The following RASSF3 variants were observed in gnomAD, a reference collection of about 807,000 sequenced individuals.
RASSF3 encodes the protein Ras association domain family member 3, also known as ras association domain-containing protein 3.
RASSF3 carries 19 observed loss-of-function variants against 19.9 expected under a neutral mutation model. That is an observed-to-expected ratio of 0.96 (90% CI 0.67 to 1.40). The LOEUF (loss-of-function observed/expected upper bound fraction) is 1.40, where lower values mean the gene tolerates loss of function less well. Ranked by LOEUF, RASSF3 falls within the 40% of genes most tolerant of loss-of-function variation. RASSF3 has a pLI of 0.00. For missense variants in RASSF3, 306 were observed against 289.8 expected (o/e 1.06, Z -0.41); for synonymous variants, 110 against 104.2 (o/e 1.06, Z -0.34).
upstream of RASSF3, among the ~76,000 whole-genome samples, chr12:64,610,357 G>A (rs565631871): frequency 6.0e-5 from 9 of 149,832 alleles, no homozygotes; most frequent in African/African-American, 1.9e-4. Context: ...CGGGCGGGGA[G>A]GGTCGCGGCC....
At chr12:64,558,771 G>A (rs975325953) in intron 2 of RASSF3, among the ~76,000 whole-genome samples, 2 of 151,976 alleles carry the variant, frequency 1.3e-5, no homozygotes, top group Non-Finnish European at 2.9e-5. Context: ...CTAGGGACCC[G>A]GCCACCCCTT....
chr12:64,510,475 C>T (rs1868321921), intron 1 of RASSF3, among the ~76,000 whole-genome samples: 1 of 152,152 alleles, frequency 6.6e-6, no homozygotes, highest in African/African-American at 2.4e-5. Context: ...AGAAATATGT[C>T]AAAGTTTCCC....
At chr12:64,678,659 A>AAAAAAAC (rs1555216121) in intron 1 of RASSF3, among the ~76,000 whole-genome samples, 8 of 150,556 alleles carry the variant, frequency 5.3e-5, no homozygotes, top group Admixed American at 1.3e-4. Flanking sequence ...AAAAAAAAAA[A>AAAAAAAC]AAAAAACCAA....
chr12:64,624,544 G>C (rs1469148944), intron 1 of RASSF3, among the ~76,000 whole-genome samples: 1 of 151,888 alleles, frequency 6.6e-6, no homozygotes, highest in African/African-American at 2.4e-5. Flanking sequence ...CAAAGCGCTG[G>C]TATTACAGGT....
upstream of RASSF3, among the ~76,000 whole-genome samples, chr12:64,532,301 G>T (rs1285415790): frequency 6.6e-6 from 1 of 152,076 alleles, no homozygotes; most frequent in African/African-American, 2.4e-5. Context: ...ATTATAGTGG[G>T]CCTTTCCCTC....
rs2136229018 is a variant in RASSF3 at position 64,696,645 on chromosome 12, CTTT to C, written c.*1736_*1738del. 6.6e-6 allele frequency: 1 copy of C among 152,082 alleles called. No individual in the cohort carries two copies. The highest frequency in any genetic ancestry group is 2.1e-4 in the South Asian group (1 of 4,820). The allele number at this position is 152,082 out of a possible 1,614,324, so 9.4% of individuals were successfully genotyped here. On this transcript the variant is annotated 3_prime_UTR_variant, in exon 5 of 5. Transcript: ENST00000542104. ...GTTCGTCTCTTGGTGGCTCTTCTGA[CTTT>C]TTGGAGAATACCCATCTTGTTGGAG...
intron 1 of RASSF3, among the ~76,000 whole-genome samples, chr12:64,522,096 A>G (rs759903045): frequency 1.6e-4 from 24 of 152,332 alleles, no homozygotes; most frequent in Non-Finnish European, 2.8e-4. Flanking sequence ...ATGAAGCATG[A>G]AAGCAGATGC....
chr12:64,564,223 A>G (rs1180051653), intron 2 of RASSF3, among the ~76,000 whole-genome samples: 1 of 152,202 alleles, frequency 6.6e-6, no homozygotes, highest in Non-Finnish European at 1.5e-5. Flanking sequence ...GCTGTTTGAC[A>G]ATGGAGTCTG....
intron 1 of RASSF3, among the ~76,000 whole-genome samples, chr12:64,671,366 G>A (rs1365227609): frequency 2.0e-5 from 3 of 152,126 alleles, no homozygotes; most frequent in Non-Finnish European, 4.4e-5. Context: ...TCCCTGCAGG[G>A]GGATCTGCCT....
chr12:64,657,270 G>A (rs1394859606), intron 1 of RASSF3, among the ~76,000 whole-genome samples: 2 of 152,088 alleles, frequency 1.3e-5, no homozygotes, highest in Admixed American at 1.3e-4. Flanking sequence ...CCCGCAAAGT[G>A]CTGGGATTAC....
rs568882420 is a variant in RASSF3, at chr12:64,585,175, C to T, written c.294+43470C>T. ...CTGGGATTACAGGCATGAGCCACCG[C>T]ACCCGGCCAGAATATTTTCTTAAAT... On this transcript the variant is annotated intron_variant, in intron 2 of 5. Transcript: ENST00000637125. Among the ~76,000 whole-genome samples the T allele has an allele frequency of 7.2e-5, 11 of 152,190 alleles. No individual in the cohort carries two copies. In the East Asian group the frequency reaches 1.9e-3, roughly 27 times the overall value.
At chr12:64,593,539 C>T (rs1304182001) in intron 2 of RASSF3, among the ~76,000 whole-genome samples, 1 of 152,038 alleles carries the variant, frequency 6.6e-6, no homozygotes, top group South Asian at 2.1e-4. Context: ...TTTTTAGCTG[C>T]TACATCCATG....
At chr12:64,673,903 T>G (rs933268090) in intron 1 of RASSF3, among the ~76,000 whole-genome samples, 1 of 151,962 alleles carries the variant, frequency 6.6e-6, no homozygotes, top group African/African-American at 2.4e-5. Context: ...GTTTGTTTTC[T>G]GGCTCCAAAC....
At chr12:64,546,402 C>G (rs1592396686), downstream of RASSF3, among the ~76,000 whole-genome samples, 1 of 152,118 alleles carries the variant, frequency 6.6e-6, no homozygotes, top group Non-Finnish European at 1.5e-5. Flanking sequence ...TCCCAAGTAA[C>G]TGGGACTACA....
At chr12:64,568,481 C>A (rs904259166) in intron 2 of RASSF3, among the ~76,000 whole-genome samples, 16 of 152,166 alleles carry the variant, frequency 1.1e-4, no homozygotes, top group African/African-American at 3.4e-4. Context: ...TGGGTGGGGC[C>A]ATTTCCTGCA....
At chr12:64,601,972 C>T (rs1002749558) in intron 2 of RASSF3, among the ~76,000 whole-genome samples, 1 of 150,954 alleles carries the variant, frequency 6.6e-6, no homozygotes, top group Non-Finnish European at 1.5e-5. Flanking sequence ...AAAAAATTAG[C>T]CGGGCGTGGT....
chr12:64,510,782 C>T (rs1868323592), intron 1 of RASSF3, among the ~76,000 whole-genome samples: 1 of 152,146 alleles, frequency 6.6e-6, no homozygotes, highest in Non-Finnish European at 1.5e-5. Flanking sequence ...GCCCACATTC[C>T]ATGGCCTGGA....
intron 1 of RASSF3, among the ~76,000 whole-genome samples, chr12:64,671,809 ATCTTTCTTCAT>A (rs1354195880): frequency 2.0e-5 from 3 of 152,232 alleles, no homozygotes; most frequent in Non-Finnish European, 4.4e-5. Flanking sequence ...GCAGAGGGGT[ATCTTTCTTCAT>A]TCTTCATTAT....
intron 2 of RASSF3, among the ~76,000 whole-genome samples, chr12:64,685,534 C>A (rs1167727856): frequency 1.3e-5 from 2 of 152,064 alleles, no homozygotes; most frequent in Non-Finnish European, 2.9e-5. Flanking sequence ...TATCAGAAGC[C>A]CCTAAGTTTT....
Sources: gnomAD v4.1 joint callset for allele counts (sites outside exome capture counted in the v4.1 genomes callset) on GRCh38, gnomAD v4.1.1 for gene constraint, MANE v1.5 for transcripts, NCBI Gene and HGNC (gene_info 2026-07-23, HGNC 2026-07-21) for gene names.